The following SERGEF variants were observed in gnomAD, a reference collection of about 807,000 sequenced individuals.
SERGEF encodes the protein secretion-regulating guanine nucleotide exchange factor.
SERGEF carries 51 observed loss-of-function variants against 50.0 expected under a neutral mutation model. The ratio of observed to expected loss-of-function variants is 1.02; its 90% CI spans 0.81 to 1.29. The LOEUF (loss-of-function observed/expected upper bound fraction) is 1.29. Among genes scored for constraint, SERGEF ranks in the 50% most tolerant of loss-of-function variants. The pLI is 0.00. For missense variants in SERGEF, 521 were observed against 557.0 expected (o/e 0.94, Z 0.65); for synonymous variants, 205 against 212.4 (o/e 0.97, Z 0.30).
At chr11:17,807,865 G>A (rs541145182) in intron 10 of SERGEF, among the ~76,000 whole-genome samples, 1 of 152,310 alleles carries the variant, frequency 6.6e-6, no homozygotes, top group East Asian at 1.9e-4. Context: ...GGCAGCCATT[G>A]CCTCCCCCAG....
At chr11:18,003,278 C>G (rs1854002013) in intron 4 of SERGEF, among the ~76,000 whole-genome samples, 1 of 152,148 alleles carries the variant, frequency 6.6e-6, no homozygotes, top group African/African-American at 2.4e-5. Flanking sequence ...TTTAAAAATT[C>G]TATATTCCTA....
intron 9 of SERGEF, chr11:17,918,724 A>T (rs1413055757): frequency 6.6e-6 from 3 of 453,490 alleles, no homozygotes; most frequent in Admixed American, 2.4e-5. Flanking sequence ...TGAAGTGATC[A>T]ATTAGGACCT....
intron 8 of SERGEF, among the ~76,000 whole-genome samples, chr11:17,966,332 G>A (rs1379509911): frequency 1.3e-5 from 2 of 152,150 alleles, no homozygotes; most frequent in East Asian, 3.8e-4. Flanking sequence ...CTCAAGACTC[G>A]TAAGACTTGA....
intron 9 of SERGEF, among the ~76,000 whole-genome samples, chr11:17,929,162 C>A (rs1402737412): frequency 2.0e-5 from 3 of 152,178 alleles, no homozygotes; most frequent in Non-Finnish European, 4.4e-5. Flanking sequence ...TATTTTTCAT[C>A]CACTTACATA....
chr11:18,012,719 C>T lies in SERGEF; in HGVS notation c.60+232G>A, dbSNP rs1249087135. The T allele has an allele frequency of 3.9e-6, 5 of 1,282,288 alleles. No homozygotes were observed. The East Asian group carries it at 9.3e-5, about 24-fold the overall frequency. The allele number at this position is 1,282,288 out of a possible 1,614,324, so 79.4% of individuals were successfully genotyped here. ...TCTTCCCGCGGCGCCACAGCCCCTC[C>T]GGCCCTGACCCCGCCAGCCGGCAGG... On this transcript the variant is annotated intron_variant, in intron 1 of 10. Coordinates refer to ENST00000265965, the MANE Select transcript of SERGEF (RefSeq NM_012139.4).
At chr11:17,923,123 C>T (rs535564046) in intron 9 of SERGEF, among the ~76,000 whole-genome samples, 1 of 152,306 alleles carries the variant, frequency 6.6e-6, no homozygotes, top group East Asian at 1.9e-4. Flanking sequence ...TGAGGTCTGC[C>T]TGTTTCCCTG....
intron 9 of SERGEF, among the ~76,000 whole-genome samples, chr11:17,902,121 A>AT (rs1851758374): frequency 6.6e-6 from 1 of 152,202 alleles, no homozygotes; most frequent in Non-Finnish European, 1.5e-5. Context: ...ACATTACTGT[A>AT]TTTTTTCACT....
At chr11:17,948,890 A>T (rs964620449) in intron 9 of SERGEF, among the ~76,000 whole-genome samples, 4 of 152,244 alleles carry the variant, frequency 2.6e-5, no homozygotes, top group Non-Finnish European at 4.4e-5. Context: ...AGTCTCCCTG[A>T]GTCTTGGATG....
Position 17,995,890 on chromosome 11 carries a change from C to T in SERGEF, c.528G>A (p.Gln176=). ...VAATASGIVF[Q]WGTGLASCGR... The stretch of plus-strand genomic sequence containing the variant: ...CACATGATGCCAAACCAGTCCCCCA[C>T]TGGAACACGATGCCACTCGCTTCCC... The change falls in exon 6 of 11, where the codon CAG becomes CAA. Residue 176 remains glutamine, a synonymous_variant. Transcript: ENST00000265965. 1.2e-6 allele frequency: 2 copies of T among 1,613,740 alleles called. No individual in the cohort carries two copies. The highest frequency in any genetic ancestry group is 2.2e-5 in the East Asian group (1 of 44,864).
chr11:17,965,993 T>C (rs760745664), intron 8 of SERGEF, among the ~76,000 whole-genome samples: 5 of 152,206 alleles, frequency 3.3e-5, no homozygotes, highest in African/African-American at 1.2e-4. Flanking sequence ...TCTCCCAAAC[T>C]GAACAACACA....
intron 8 of SERGEF, among the ~76,000 whole-genome samples, chr11:17,972,449 A>G (rs563535464): frequency 6.6e-4 from 101 of 152,370 alleles, no homozygotes; most frequent in Non-Finnish European, 9.8e-4. Flanking sequence ...AAAGGCCACC[A>G]GCAAAAAGAT....
At chr11:17,858,409 G>A (rs769339284) in intron 10 of SERGEF, among the ~76,000 whole-genome samples, 13 of 152,172 alleles carry the variant, frequency 8.5e-5, no homozygotes, top group East Asian at 1.9e-4. Context: ...GCCCCCTTCC[G>A]GCATCCTGCT....
chr11:17,851,184 C>T (rs1484349701), intron 10 of SERGEF, among the ~76,000 whole-genome samples: 1 of 152,126 alleles, frequency 6.6e-6, no homozygotes, highest in Non-Finnish European at 1.5e-5. Context: ...TTTCACTCCT[C>T]CTTACAGTCC....
intron 10 of SERGEF, among the ~76,000 whole-genome samples, chr11:17,858,884 GA>G (rs954453715): frequency 6.6e-6 from 1 of 152,122 alleles, no homozygotes; most frequent in Non-Finnish European, 1.5e-5. Flanking sequence ...CACCAGACTG[GA>G]ATCCCTGATA....
intron 10 of SERGEF, among the ~76,000 whole-genome samples, chr11:17,794,579 G>GA (rs1402095712): frequency 6.6e-6 from 1 of 152,180 alleles, no homozygotes; most frequent in Non-Finnish European, 1.5e-5. Context: ...AATGGTAACA[G>GA]AATCATTGAA....
chr11:18,006,178 A>C (rs1184632010), intron 3 of SERGEF, among the ~76,000 whole-genome samples: 2 of 152,130 alleles, frequency 1.3e-5, no homozygotes, highest in African/African-American at 4.8e-5. Context: ...ATTTATTCTG[A>C]GATGGATTAT....
At chr11:17,992,251 C>T (rs211127) in intron 7 of SERGEF, among the ~76,000 whole-genome samples, 127,075 of 152,218 alleles carry the variant, frequency 0.83, 53,213 homozygotes, top group East Asian at 0.92. Context: ...TACAAAACTA[C>T]ATATCTAGAG....
At chr11:17,850,528 C>T (rs1182943864) in intron 10 of SERGEF, among the ~76,000 whole-genome samples, 1 of 152,194 alleles carries the variant, frequency 6.6e-6, no homozygotes, top group African/African-American at 2.4e-5. Flanking sequence ...AATGGACATC[C>T]TGCCAAGATC....
intron 10 of SERGEF, among the ~76,000 whole-genome samples, chr11:17,822,739 C>A (rs1452566406): frequency 6.6e-6 from 1 of 152,160 alleles, no homozygotes; most frequent in African/African-American, 2.4e-5. Context: ...AGGTACGTCA[C>A]CCCCATTTTA....
Sources: gnomAD v4.1 joint callset for allele counts (sites outside exome capture counted in the v4.1 genomes callset) on GRCh38, gnomAD v4.1.1 for gene constraint, MANE v1.5 for transcripts, NCBI Gene and HGNC (gene_info 2026-07-23, HGNC 2026-07-21) for gene names.